The following CDH12 variants were observed in gnomAD, a reference collection of about 807,000 sequenced individuals.
CDH12 encodes cadherin-12.
Under a neutral mutation model 74.1 loss-of-function variants are expected in CDH12, and 41 were observed. That is an observed-to-expected ratio of 0.55 (90% CI 0.43 to 0.72). CDH12 has a LOEUF of 0.72. Ranked by LOEUF, CDH12 falls within the 30% of genes least tolerant of loss-of-function variation. The probability of loss-of-function intolerance (pLI) is 0.00; values close to 1 mark genes in which losing one functional copy is unlikely to be tolerated. For synonymous variants in CDH12, 399 were observed against 355.0 expected (o/e 1.12, Z -1.39); for missense variants, 945 against 977.2 (o/e 0.97, Z 0.44).
intron 3 of CDH12, among the ~76,000 whole-genome samples, chr5:22,273,591 T>G (rs1182556445): frequency 6.6e-6 from 1 of 152,190 alleles, no homozygotes; most frequent in Non-Finnish European, 1.5e-5. Context: ...GTATGATTGA[T>G]GAGAACTCTC....
intron 2 of CDH12, among the ~76,000 whole-genome samples, chr5:22,453,780 T>G (rs756075380): frequency 6.6e-6 from 1 of 152,178 alleles, no homozygotes; most frequent in African/African-American, 2.4e-5. Flanking sequence ...GTGATAGATA[T>G]GCTAATTATT....
chr5:21,812,949 C>A (rs1700712997), intron 9 of CDH12, among the ~76,000 whole-genome samples: 1 of 152,234 alleles, frequency 6.6e-6, no homozygotes, highest in Non-Finnish European at 1.5e-5. Flanking sequence ...TCTGAAGTCT[C>A]AAATGCTTGG....
chr5:21,848,210 T>C (rs959220567), intron 7 of CDH12, among the ~76,000 whole-genome samples: 4 of 152,070 alleles, frequency 2.6e-5, no homozygotes, highest in African/African-American at 9.7e-5. Flanking sequence ...CATGAAAATG[T>C]TTTTGATTAG....
intron 1 of CDH12, among the ~76,000 whole-genome samples, chr5:22,634,270 C>A (rs1343650980): frequency 1.3e-5 from 2 of 151,972 alleles, no homozygotes; most frequent in Non-Finnish European, 2.9e-5. Flanking sequence ...AAACTTCCAA[C>A]CAAAAGCAGA....
At chr5:22,223,927 T>C (rs1261172982) in intron 3 of CDH12, among the ~76,000 whole-genome samples, 1 of 151,928 alleles carries the variant, frequency 6.6e-6, no homozygotes, top group Non-Finnish European at 1.5e-5. Context: ...CCAGGCATTA[T>C]CAGAAAATGT....
In CDH12 at chr5:22,801,636, CATATATATATATATATATAT is replaced by C. The variant is rs568139109; in HGVS notation, c.-523+51402_-523+51421del. 1.4e-3 allele frequency among the ~76,000 whole-genome samples: 71 copies of C among 50,894 alleles called. 2 individuals carry two copies. The highest frequency in any genetic ancestry group is 2.9e-3 in the South Asian group (3 of 1,020). 33.4% of individuals were successfully genotyped at this position (50,894 alleles called of 152,430 possible). A position where few individuals can be genotyped will look rare whatever the true frequency, so the allele number is the denominator to read the frequency against. On this transcript the variant is annotated intron_variant, in intron 1 of 14. Transcript: ENST00000382254. ...TTACAATTACCTTCACTCTGCTTAT[CATATATATATATATATATAT>C]ATATATATATATATATATATATATA...
At chr5:22,444,297 G>T (rs1405719239) in intron 2 of CDH12, among the ~76,000 whole-genome samples, 3 of 151,874 alleles carry the variant, frequency 2.0e-5, no homozygotes, top group African/African-American at 7.2e-5. Context: ...AATCTCCTTT[G>T]TTACTTCCAT....
chr5:21,867,519 T>C (rs1193120284), intron 6 of CDH12, among the ~76,000 whole-genome samples: 1 of 152,212 alleles, frequency 6.6e-6, no homozygotes. Context: ...GTGACCTGGA[T>C]GTGAGACATG....
At chr5:22,245,805 G>A (rs943077200) in intron 3 of CDH12, among the ~76,000 whole-genome samples, 25 of 152,192 alleles carry the variant, frequency 1.6e-4, no homozygotes, top group African/African-American at 6.0e-4. Flanking sequence ...AAGTGCATAT[G>A]TGTGTGGACT....
chr5:22,700,593 T>C (rs1439519166), intron 1 of CDH12, among the ~76,000 whole-genome samples: 1 of 152,200 alleles, frequency 6.6e-6, no homozygotes, highest in Non-Finnish European at 1.5e-5. Flanking sequence ...GATAAGAAAA[T>C]GTTTTCTATT....
chr5:22,341,762 C>T (rs879689502), intron 3 of CDH12, among the ~76,000 whole-genome samples: 2 of 151,954 alleles, frequency 1.3e-5, no homozygotes, highest in African/African-American at 2.4e-5. Flanking sequence ...GTTAGGCAAC[C>T]GTTAGGCAAT....
At chr5:22,173,076 G>C (rs944834602) in intron 4 of CDH12, among the ~76,000 whole-genome samples, 22 of 151,118 alleles carry the variant, frequency 1.5e-4, no homozygotes, top group Non-Finnish European at 2.7e-4. Flanking sequence ...ATCAAACTAG[G>C]CTGTCCATTT....
chr5:22,728,906 A>G (rs981919971), intron 1 of CDH12, among the ~76,000 whole-genome samples: 20 of 151,886 alleles, frequency 1.3e-4, no homozygotes, highest in African/African-American at 4.8e-4. Context: ...GTTTGAATAG[A>G]TCAGTTCTGA....
rs1280067036 is a variant in CDH12, at chr5:22,078,585, A to G, written c.92T>C (p.Leu31Ser). The G allele has an allele frequency of 5.0e-6, 8 of 1,613,982 alleles. No homozygotes were observed. Among genetic ancestry groups the G allele is most frequent in the Non-Finnish European group, 5.9e-6 (7 of 1,179,884 alleles). ...TPLQPQPQQT[L>S]ATEPRENVIH... Reference sequence around the variant, plus strand: ...AACATTTTCTCTTGGCTCTGTGGCTAAAGTCTGCTGTGGCTGTGGTTGTAG... The same window carrying G: ...AACATTTTCTCTTGGCTCTGTGGCTGAAGTCTGCTGTGGCTGTGGTTGTAG... Residue 31 changes from leucine to serine, a missense_variant, in exon 5 of 15, where the codon TTA (leucine) becomes TCA (serine). Leu to Ser is a moderately radical substitution (Grantham distance 145). Transcript: ENST00000382254.
chr5:22,153,513 C>T (rs1290137880), intron 4 of CDH12, among the ~76,000 whole-genome samples: 1 of 151,440 alleles, frequency 6.6e-6, no homozygotes, highest in Non-Finnish European at 1.5e-5. Flanking sequence ...GCTCTGCAAT[C>T]CAACTGCTTG....
intron 9 of CDH12, 102 bp downstream of exon 9, chr5:21,816,843 T>G: frequency 1.2e-6 from 1 of 812,756 alleles, no homozygotes. Context: ...ACTCTATTGC[T>G]AATTGAAGGA....
intron 4 of CDH12, among the ~76,000 whole-genome samples, chr5:22,164,556 T>C (rs895029631): frequency 1.3e-5 from 2 of 151,928 alleles, no homozygotes; most frequent in African/African-American, 4.8e-5. Context: ...ACCAGAAGAG[T>C]GCAGTTGCAA....
chr5:22,020,570 A>C (rs1737909366), intron 5 of CDH12, among the ~76,000 whole-genome samples: 1 of 147,398 alleles, frequency 6.8e-6, no homozygotes, highest in Admixed American at 6.7e-5. Context: ...AAAAAAAAAA[A>C]GAAGTCCAAC....
intron 6 of CDH12, among the ~76,000 whole-genome samples, chr5:21,874,926 C>G (rs1307579477): frequency 6.6e-6 from 1 of 152,108 alleles, no homozygotes; most frequent in East Asian, 1.9e-4. Flanking sequence ...GGACAAGAAC[C>G]CCAGGTCAGA....
Sources: allele counts gnomAD v4.1 joint callset (sites outside exome capture counted in the v4.1 genomes callset), GRCh38; gene constraint gnomAD v4.1.1; transcripts MANE v1.5; gene names NCBI Gene and HGNC (gene_info 2026-07-23, HGNC 2026-07-21).